ATP13A5: variants seen among roughly 807,000 people sequenced by gnomAD.
The protein encoded by ATP13A5 is ATPase 13A5.
Under a neutral mutation model 150.2 loss-of-function variants are expected in ATP13A5, and 149 were observed. The observed-to-expected ratio is 0.99, with a 90% CI of 0.87 to 1.14. The LOEUF (loss-of-function observed/expected upper bound fraction) is 1.14, where lower values mean the gene tolerates loss of function less well. ATP13A5 is among the 50% of genes most tolerant of loss of function. The probability of loss-of-function intolerance (pLI) is 0.00; values close to 1 mark genes in which losing one functional copy is unlikely to be tolerated. For missense variants in ATP13A5, 1,383 were observed against 1,449.3 expected, an observed-to-expected ratio of 0.95 and a Z score of 0.74; for synonymous variants, 497 against 522.2, an observed-to-expected ratio of 0.95 and a Z score of 0.66.
chr3:193,306,778 G>T (rs1718634664), intron 22 of ATP13A5, among the ~76,000 whole-genome samples: 1 of 152,076 alleles, frequency 6.6e-6, no homozygotes, highest in Non-Finnish European at 1.5e-5. Context: ...ATTTTATTTA[G>T]CTTTTTCTAT....
chr3:193,341,131 T>C (rs1712103533), intron 9 of ATP13A5, among the ~76,000 whole-genome samples: 1 of 151,818 alleles, frequency 6.6e-6, no homozygotes, highest in South Asian at 2.1e-4. Flanking sequence ...AAAAAAGCTA[T>C]AGTGCCAAGA....
chr3:193,289,783 T>C, intron 26 of ATP13A5, 102 bp downstream of exon 26: 2 of 1,135,242 alleles, frequency 1.8e-6, no homozygotes, highest in Non-Finnish European at 2.5e-6. Flanking sequence ...CACAATTTGA[T>C]TAATTAAAAG....
chr3:193,320,859 C>T (rs992559570), intron 16 of ATP13A5, among the ~76,000 whole-genome samples: 6 of 152,188 alleles, frequency 3.9e-5, no homozygotes, highest in African/African-American at 1.4e-4. Flanking sequence ...AAAAGCAATA[C>T]AAATCAGCTC....
intron 20 of ATP13A5, 68 bp from the exon 21 acceptor site, chr3:193,310,785 C>A: frequency 7.8e-7 from 1 of 1,276,270 alleles, no homozygotes; most frequent in East Asian, 2.4e-5. Context: ...AAAAGAACAG[C>A]CCTGAAAAAT....
At chr3:193,305,691 C>G (rs758716721) in intron 22 of ATP13A5, 23 bp from the exon 23 acceptor site, 5 of 1,605,386 alleles carry the variant, frequency 3.1e-6, no homozygotes, top group Non-Finnish European at 3.4e-6. Context: ...GCCCATGTCT[C>G]ACCCATGACT....
intron 26 of ATP13A5, among the ~76,000 whole-genome samples, chr3:193,287,428 C>A (rs1480349178): frequency 4.6e-5 from 7 of 152,118 alleles, no homozygotes; most frequent in African/African-American, 1.7e-4. Flanking sequence ...AAGTTGATGC[C>A]AATGCTCATT....
In ATP13A5 at chr3:193,305,659, C is replaced by T; in HGVS notation, c.2578G>A (p.Ala860Thr). ...DGANDCGALK[A>T]AHAGISLSEQ... is the part of the protein sequence containing the mutation. ...GATAATGAAATGCCTGCATGAGCCGCTTTCAAAGCCTGGAATGATAAGCCC... is the reference window on the plus strand; with the variant it reads ...GATAATGAAATGCCTGCATGAGCCGTTTTCAAAGCCTGGAATGATAAGCCC... Residue 860 changes from alanine (A) to threonine (T), a missense_variant, in exon 23 of 30, where the codon GCG becomes ACG. Physicochemically the swap from Ala to Thr is moderately conservative, Grantham distance 58 (BLOSUM62 0). Coordinates refer to ENST00000342358, the MANE Select transcript of ATP13A5 (RefSeq NM_198505.4). 7 of 1,613,844 alleles carry T rather than the reference C, an allele frequency of 4.3e-6. No individual in the cohort carries two copies. Among genetic ancestry groups the T allele is most frequent in the Non-Finnish European group, 5.9e-6 (7 of 1,179,810 alleles).
At chr3:193,325,969 C>G (rs1011818364) in intron 13 of ATP13A5, among the ~76,000 whole-genome samples, 2 of 152,104 alleles carry the variant, frequency 1.3e-5, no homozygotes, top group African/African-American at 4.8e-5. Flanking sequence ...AAGGGCTGGC[C>G]GGGACATCTG....
intron 7 of ATP13A5, among the ~76,000 whole-genome samples, chr3:193,345,600 A>T (rs541839990): frequency 2.6e-5 from 4 of 152,278 alleles, no homozygotes; most frequent in African/African-American, 9.6e-5. Context: ...AGCACTCAGC[A>T]GTGTATGAGT....
At chr3:193,322,599 A>G in intron 14 of ATP13A5, 25 bp from the exon 15 acceptor site, 2 of 1,474,496 alleles carry the variant, frequency 1.4e-6, no homozygotes, top group Non-Finnish European at 1.9e-6. Context: ...AAACATTCAT[A>G]AGATTCTTTG....
intron 25 of ATP13A5, among the ~76,000 whole-genome samples, chr3:193,290,511 ACACT>A (rs1295530141): frequency 1.3e-5 from 2 of 152,112 alleles, no homozygotes; most frequent in Non-Finnish European, 1.5e-5. Flanking sequence ...TTTAAAAAAA[ACACT>A]CACTCTATTA....
intron 26 of ATP13A5, among the ~76,000 whole-genome samples, chr3:193,288,189 C>A (rs1717796225): frequency 6.6e-6 from 1 of 152,180 alleles, no homozygotes; most frequent in Non-Finnish European, 1.5e-5. Context: ...GAAATGAAAA[C>A]AAAGTATTTA....
chr3:193,350,492 C>T lies in ATP13A5; in HGVS notation c.741+575G>A, dbSNP rs991762518. Among the ~76,000 whole-genome samples the T allele has an allele frequency of 2.4e-4, 37 of 152,052 alleles. 2 individuals are homozygous for T. The highest frequency in any genetic ancestry group is 1.5e-5 in the Non-Finnish European group (1 of 67,978). On this transcript the variant is annotated intron_variant, in intron 7 of 29. Transcript: ENST00000342358. ...TGCCTTATTGAGTATAGAATCAAAC[C>T]TAATTTTTTCCACAACCCATCCCCT...
chr3:193,361,446 A>G lies in ATP13A5; in HGVS notation c.536+935T>C, dbSNP rs140170632. Among the ~76,000 whole-genome samples, 58 of 152,302 alleles carry G rather than the reference A, an allele frequency of 3.8e-4. No individual in the cohort carries two copies. The East Asian group carries it at 0.011, about 29-fold the overall frequency. Reference sequence around the variant, plus strand: ...AAGTACCCCTTGCTCCTACAGAATTATCAGAATTATGAGGGTGGAGCTTAA... The same window carrying G: ...AAGTACCCCTTGCTCCTACAGAATTGTCAGAATTATGAGGGTGGAGCTTAA... On this transcript the variant is annotated intron_variant, in intron 5 of 29. Coordinates refer to ENST00000342358, the MANE Select transcript of ATP13A5 (RefSeq NM_198505.4).
In ATP13A5 at chr3:193,354,148, T is replaced by C. The variant is rs757466976; in HGVS notation, c.585A>G (p.Ile195Met). 1.9e-6 allele frequency: 3 copies of C among 1,610,314 alleles called. No homozygotes were observed. In the South Asian group the frequency reaches 3.4e-5, roughly 18 times the overall value. ...PNAIEVEIQP[I>M]WKLLVKQVLN... ...TTACCTGTTTAACAAGCAGCTTCCA[T>C]ATGGGTTGGATTTCAACCTCAATGG... Residue 195 changes from isoleucine (I) to methionine (M), a missense_variant, in exon 6 of 30, where the codon ATA becomes ATG. Ile to Met is a conservative substitution (Grantham distance 10). This residue lies in a region of ATP13A5 where 787 missense variants were observed against 771.9 expected (regional missense o/e 1.02). Transcript: ENST00000342358.
At chr3:193,364,777 G>C (rs891872677) in intron 1 of ATP13A5, among the ~76,000 whole-genome samples, 7 of 152,056 alleles carry the variant, frequency 4.6e-5, no homozygotes, top group Non-Finnish European at 1.0e-4. Context: ...TGAGGACGAC[G>C]GAAAGTATGA....
rs370135709 is a variant in ATP13A5, at chr3:193,331,095, C to T, written c.1461+28G>A. On this transcript the variant is annotated intron_variant, in intron 12 of 29. Transcript: ENST00000342358. The stretch of plus-strand genomic sequence containing the variant: ...CTCCACCATGCCTTGAAATCATTAA[C>T]ATTAAACCTGAGAAGTCTGGATCAT... 20 of 1,602,286 alleles carry T rather than the reference C, an allele frequency of 1.2e-5. No individual in the cohort carries two copies. In the African/African-American group the frequency reaches 2.5e-4, roughly 20 times the overall value.
intron 5 of ATP13A5, among the ~76,000 whole-genome samples, chr3:193,360,969 G>A (rs777984801): frequency 8.5e-5 from 13 of 152,122 alleles, no homozygotes; most frequent in Admixed American, 3.3e-4. Context: ...GAGCCACTGC[G>A]CCCAGTCATG....
intron 11 of ATP13A5, among the ~76,000 whole-genome samples, chr3:193,332,239 A>G (rs1382469736): frequency 6.6e-6 from 1 of 152,184 alleles, no homozygotes. Context: ...GCCACCATGT[A>G]AGACATGTTT....
Sources: allele counts gnomAD v4.1 joint callset (sites outside exome capture counted in the v4.1 genomes callset), GRCh38; gene constraint gnomAD v4.1.1; regional missense constraint gnomAD v4.1.1; transcripts MANE v1.5; gene names NCBI Gene and HGNC (gene_info 2026-07-23, HGNC 2026-07-21).